OAS1: variants seen among roughly 807,000 people sequenced by gnomAD.
The protein encoded by OAS1 is 2'-5'-oligoadenylate synthase 1.
In OAS1, 24 loss-of-function variants were observed where a neutral mutation model predicts 38.5. The ratio of observed to expected loss-of-function variants is 0.62; its 90% CI spans 0.45 to 0.88. The LOEUF is 0.88. OAS1 is among the 40% of genes least tolerant of loss of function. The probability of loss-of-function intolerance (pLI) is 0.00; values close to 1 mark genes in which losing one functional copy is unlikely to be tolerated. For synonymous variants in OAS1, 169 were observed against 193.9 expected (o/e 0.87, Z 1.07); for missense variants, 482 against 493.9 (o/e 0.98, Z 0.23).
chr12:112,924,778 A>G (rs2043548889), downstream of OAS1, among the ~76,000 whole-genome samples: 1 of 152,302 alleles, frequency 6.6e-6, no homozygotes, highest in Middle Eastern at 3.4e-3. Flanking sequence ...GGAAATAATA[A>G]AGACACTTTT....
At chr12:112,911,556 G>A (rs1226388517) in intron 3 of OAS1, among the ~76,000 whole-genome samples, 2 of 151,952 alleles carry the variant, frequency 1.3e-5, no homozygotes, top group African/African-American at 2.4e-5. Flanking sequence ...ATACACACAC[G>A]CACGCACACA....
chr12:112,930,825 G>T (rs1250663513), intron 6 of OAS1, among the ~76,000 whole-genome samples: 1 of 152,242 alleles, frequency 6.6e-6, no homozygotes, highest in African/African-American at 2.4e-5. Context: ...TCCCCTGGGG[G>T]TGTCCCACAC....
intron 6 of OAS1, among the ~76,000 whole-genome samples, chr12:112,929,225 G>A (rs1037909201): frequency 3.9e-5 from 6 of 152,198 alleles, no homozygotes; most frequent in African/African-American, 1.4e-4. Flanking sequence ...GCTTTCTTGG[G>A]TGTAAGGCAG....
In OAS1 at chr12:112,911,241, G is replaced by A. The variant is rs759971092; in HGVS notation, c.654+6G>A. 1.9e-6 allele frequency: 3 copies of A among 1,608,550 alleles called. No individual in the cohort carries two copies. Among genetic ancestry groups the A allele is most frequent in the Non-Finnish European group, 2.5e-6 (3 of 1,177,224 alleles). On this transcript the variant is annotated splice_donor_region_variant and intron_variant, in intron 3 of 5. Coordinates refer to ENST00000202917, the MANE Select transcript of OAS1 (RefSeq NM_016816.4). ...TCAAGCACTGGTACCAAAATGTATG[G>A]CCCTCCCACCAGGCCTGGTGGGTCC...
At chr12:112,915,387 A>G (rs1453577208) in intron 3 of OAS1, among the ~76,000 whole-genome samples, 1 of 152,042 alleles carries the variant, frequency 6.6e-6, no homozygotes, top group East Asian at 1.9e-4. Flanking sequence ...TCCTTTCCCC[A>G]TTTTATGTTT....
At chr12:112,924,961 C>T (rs192749754) in intron 6 of OAS1, among the ~76,000 whole-genome samples, 116 of 152,148 alleles carry the variant, frequency 7.6e-4, no homozygotes, top group East Asian at 1.9e-4. Context: ...TGTGTAAGGA[C>T]GAGGGAAACT....
intron 4 of OAS1, 55 bp from the exon 5 acceptor site, chr12:112,917,492 T>A: frequency 2.5e-6 from 4 of 1,605,150 alleles, no homozygotes; most frequent in Non-Finnish European, 2.6e-6. Context: ...GCATCTGGAC[T>A]CCCTAGACAG....
chr12:112,928,523 C>A (rs2043575019), intron 6 of OAS1, among the ~76,000 whole-genome samples: 4 of 152,218 alleles, frequency 2.6e-5, no homozygotes, highest in Admixed American at 2.6e-4. Flanking sequence ...CTCAGCTGGG[C>A]ACCTCTGTAT....
chr12:112,917,524 C>G, intron 4 of OAS1, 23 bp from the exon 5 acceptor site: 1 of 1,613,412 alleles, frequency 6.2e-7, no homozygotes, highest in Non-Finnish European at 8.5e-7. Context: ...CTCACCTGTC[C>G]CTCTCTAAAT....
chr12:112,919,538 C>A lies in OAS1; in HGVS notation c.1188C>A (p.Thr396=). ...ASTPQAEEDW[T]CTIL ...CCCCACAGGCAGAAGAGGACTGGAC[C>A]TGCACCATCCTCTGAATGCCAGTGC... The change falls in exon 6 of 6, where the codon ACC becomes ACA. Residue 396 remains threonine (T), a synonymous_variant. Transcript: ENST00000202917. The A allele has an allele frequency of 6.2e-7, 1 of 1,614,220 alleles. No individual in the cohort carries two copies. Among genetic ancestry groups the A allele is most frequent in the Non-Finnish European group, 8.5e-7 (1 of 1,180,030 alleles).
At chr12:112,923,432 C>T (rs10774675), downstream of OAS1, among the ~76,000 whole-genome samples, 114,193 of 152,206 alleles carry the variant, frequency 0.75, 44,091 homozygotes, top group African/African-American at 0.94. Context: ...GATATTGCAT[C>T]GTGATTTTGA....
chr12:112,916,204 A>T (rs551605568), intron 3 of OAS1, among the ~76,000 whole-genome samples: 2 of 152,348 alleles, frequency 1.3e-5, no homozygotes, highest in South Asian at 2.1e-4. Flanking sequence ...TGAAGCCAGG[A>T]TTCAAACCCA....
At position 112,907,277 on chromosome 12, in the gene OAS1, T is replaced by G; in HGVS notation, c.180+58T>G. ...TGGCTGAATGTGCAAGAGTTGAGAT[T>G]GAGAATGAGAGAGAGAGAGAGAGAG... On this transcript the variant is annotated intron_variant, in intron 1 of 5. Coordinates refer to ENST00000202917, the MANE Select transcript of OAS1 (RefSeq NM_016816.4). 3 of 1,558,178 alleles carry G rather than the reference T, an allele frequency of 1.9e-6. No homozygotes were observed. The South Asian group carries it at 3.4e-5, about 18-fold the overall frequency.
chr12:112,913,931 A>T (rs1479568790), intron 3 of OAS1, among the ~76,000 whole-genome samples: 1 of 151,186 alleles, frequency 6.6e-6, no homozygotes, highest in African/African-American at 2.4e-5. Context: ...AGAGAGGACT[A>T]TTTTTTTTTA....
chr12:112,913,954 C>G (rs1376076110), intron 3 of OAS1, among the ~76,000 whole-genome samples: 2 of 151,592 alleles, frequency 1.3e-5, no homozygotes, highest in Admixed American at 1.3e-4. Flanking sequence ...TTTAATTTTT[C>G]TATTTCAATA....
In OAS1 at chr12:112,919,850, G is replaced by A; in HGVS notation, c.*297G>A. On this transcript the variant is annotated 3_prime_UTR_variant, in exon 6 of 6. Transcript: ENST00000202917. ...CTTGACTTTCTTCTGTGCACCTGAT[G>A]GGAGGGTAATGTCTAATGTATTATC... 1 of 945,924 alleles carries A rather than the reference G, an allele frequency of 1.1e-6. No individual in the cohort carries two copies. Among genetic ancestry groups the A allele is most frequent in the Non-Finnish European group, 1.5e-6 (1 of 654,478 alleles). 58.6% of individuals were successfully genotyped at this position (945,924 alleles called of 1,614,324 possible).
intron 3 of OAS1, 27 bp downstream of exon 3, chr12:112,911,262 G>A: frequency 1.3e-6 from 2 of 1,573,214 alleles, no homozygotes; most frequent in Non-Finnish European, 1.7e-6. Flanking sequence ...AGGCCTGGTG[G>A]GTCCTGTCTC....
intron 4 of OAS1, among the ~76,000 whole-genome samples, chr12:112,917,287 C>G (rs1236437783): frequency 6.6e-6 from 1 of 152,126 alleles, no homozygotes; most frequent in East Asian, 1.9e-4. Flanking sequence ...GTTCAAGTGA[C>G]CTACCCAAGG....
intron 3 of OAS1, among the ~76,000 whole-genome samples, chr12:112,913,725 C>T (rs2043416789): frequency 6.6e-6 from 1 of 152,068 alleles, no homozygotes; most frequent in Non-Finnish European, 1.5e-5. Context: ...TAATTCCCTG[C>T]TAACTATTTA....
Sources: allele counts gnomAD v4.1 joint callset (sites outside exome capture counted in the v4.1 genomes callset), GRCh38; gene constraint gnomAD v4.1.1; transcripts MANE v1.5; gene names NCBI Gene and HGNC (gene_info 2026-07-23, HGNC 2026-07-21).